The following SHCBP1 variants were observed in gnomAD, a reference collection of about 807,000 sequenced individuals.
SHCBP1 encodes the protein SHC SH2 domain-binding protein 1.
In SHCBP1, 60 loss-of-function variants were observed where a neutral mutation model predicts 75.1. That is an observed-to-expected ratio of 0.80 (90% CI 0.65 to 0.99). The LOEUF (loss-of-function observed/expected upper bound fraction) is 0.99. Among genes scored for constraint, SHCBP1 ranks in the 50% least tolerant of loss-of-function variants. The pLI, the probability that SHCBP1 is intolerant of heterozygous loss-of-function variation, is 0.00. For missense variants in SHCBP1, 709 were observed against 809.4 expected, an observed-to-expected ratio of 0.88 and a Z score of 1.50; for synonymous variants, 290 against 293.2, an observed-to-expected ratio of 0.99 and a Z score of 0.11.
chr16:46,588,062 A>C (rs1240649394), intron 10 of SHCBP1, among the ~76,000 whole-genome samples: 1 of 152,242 alleles, frequency 6.6e-6, no homozygotes, highest in Non-Finnish European at 1.5e-5. Context: ...CCTGCTCCTG[A>C]ATGACAACTG....
intron 5 of SHCBP1, among the ~76,000 whole-genome samples, chr16:46,606,116 A>C (rs1034291548): frequency 6.6e-6 from 1 of 151,866 alleles, no homozygotes; most frequent in African/African-American, 2.4e-5. Flanking sequence ...CCGTTAGCTT[A>C]TTTCTTTTCA....
chr16:46,616,154 T>G lies in SHCBP1; in HGVS notation c.388A>C (p.Ile130Leu), dbSNP rs770344569. 1 of 1,612,166 alleles carries G rather than the reference T, an allele frequency of 6.2e-7. No homozygotes were observed. Among genetic ancestry groups the G allele is most frequent in the Admixed American group, 1.7e-5 (1 of 59,940 alleles). ...AAGGCTGCAAAGTCCACATCTGTGA[T>G]CTGAAATTTAAAATAATGTGACTTA... ...HTNVFKVLVE[I>L]TDVDFAALKA... The change falls in exon 4 of 13, where the codon ATC becomes CTC. Residue 130 changes from isoleucine to leucine, a missense_variant and splice_region_variant. By Grantham distance (5) the Ile-to-Leu change is conservative. Coordinates refer to ENST00000303383, the MANE Select transcript of SHCBP1 (RefSeq NM_024745.5). This position sits in a 1 kb window ranked among gnomAD's most constrained non-coding sequence, Gnocchi z 4.4.
intron 4 of SHCBP1, among the ~76,000 whole-genome samples, chr16:46,613,743 C>T (rs763212158): frequency 2.0e-4 from 30 of 152,240 alleles, no homozygotes; most frequent in Non-Finnish European, 2.9e-4. Flanking sequence ...CATCAAGGCT[C>T]ATCTCCCACC....
chr16:46,595,406 C>T, intron 10 of SHCBP1, 146 bp downstream of exon 10: 1 of 722,700 alleles, frequency 1.4e-6, no homozygotes, highest in Admixed American at 2.2e-5. Context: ...CATGAGAAGA[C>T]CCTTGCACAG....
intron 10 of SHCBP1, among the ~76,000 whole-genome samples, chr16:46,586,161 T>C (rs745798508): frequency 2.0e-4 from 31 of 152,204 alleles, no homozygotes; most frequent in Non-Finnish European, 2.9e-5. Context: ...TCAGAGATGA[T>C]AGAATTAACT....
chr16:46,582,152 C>T (rs1964882429), intron 12 of SHCBP1, 98 bp from the exon 13 acceptor site: 2 of 1,268,012 alleles, frequency 1.6e-6, no homozygotes, highest in Non-Finnish European at 1.1e-6. Flanking sequence ...AGCTGCCTTG[C>T]TTTCTATACC....
chr16:46,610,108 G>A (rs1006102321), intron 4 of SHCBP1, among the ~76,000 whole-genome samples: 1 of 151,572 alleles, frequency 6.6e-6, no homozygotes, highest in South Asian at 2.1e-4. Context: ...CCGCCACCAC[G>A]CCCAGCTAAT....
In SHCBP1 at chr16:46,580,570, C is replaced by T. The variant is rs768241041; in HGVS notation, c.*1159G>A. ...AAGATTCAATTTTGTTATTTCATCA[C>T]TATAATTTTAATCATTAGGCATATT... On this transcript the variant is annotated 3_prime_UTR_variant, in exon 13 of 13. Coordinates refer to ENST00000303383, the MANE Select transcript of SHCBP1 (RefSeq NM_024745.5). 2.0e-5 allele frequency: 3 copies of T among 152,016 alleles called. No homozygotes were observed. Among genetic ancestry groups the T allele is most frequent in the Non-Finnish European group, 4.4e-5 (3 of 68,012 alleles). 9.4% of individuals were successfully genotyped at this position (152,016 alleles called of 1,614,324 possible). A position where few individuals can be genotyped will look rare whatever the true frequency, so the allele number is the denominator to read the frequency against.
In SHCBP1 at chr16:46,603,531, A is replaced by C; in HGVS notation, c.1213+8T>G. ...GTGAGAGTTTGGTTGTGTGTCTTCC[A>C]TACTCACCTTCCAACTCAATGGAGT... On this transcript the variant is annotated splice_region_variant and intron_variant, in intron 8 of 12. Transcript: ENST00000303383. 2 of 1,614,120 alleles carry C rather than the reference A, an allele frequency of 1.2e-6. No homozygotes were observed. The highest frequency in any genetic ancestry group is 1.7e-6 in the Non-Finnish European group (2 of 1,180,002).
chr16:46,618,488 G>C lies in SHCBP1; in HGVS notation c.104-116C>G. 4 of 1,133,770 alleles carry C rather than the reference G, an allele frequency of 3.5e-6. No homozygotes were observed. The South Asian group carries it at 8.2e-5, about 23-fold the overall frequency. The allele number at this position is 1,133,770 out of a possible 1,614,324, so 70.2% of individuals were successfully genotyped here. A position where few individuals can be genotyped will look rare whatever the true frequency, so the allele number is the denominator to read the frequency against. ...ACAAACAAGAATTTGAATATGAATA[G>C]TCTACTTACCTCTACCATTGTGAGA... On this transcript the variant is annotated intron_variant, in intron 1 of 12. Transcript: ENST00000303383.
chr16:46,583,950 G>A, intron 11 of SHCBP1, 53 bp downstream of exon 11: 2 of 1,436,586 alleles, frequency 1.4e-6, no homozygotes, highest in East Asian at 4.7e-5. Flanking sequence ...AGCATAATTT[G>A]TAGGTAAAAC....
Position 46,618,240 on chromosome 16 carries a change from T to C in SHCBP1, c.236A>G (p.Tyr79Cys), listed in dbSNP as rs945146766. 2 of 1,611,454 alleles carry C rather than the reference T, an allele frequency of 1.2e-6. No homozygotes were observed. Among genetic ancestry groups the C allele is most frequent in the Non-Finnish European group, 1.7e-6 (2 of 1,179,386 alleles). The change falls in exon 2 of 13, where the codon TAT becomes TGT. Residue 79 changes from tyrosine (Y) to cysteine (C), a missense_variant. Transcript: ENST00000303383. ...EIFQTNQLLF[Y>C]ERFRAYQDYI... ...ATCTTGATAGGCTCTGAATCGCTCA[T>C]AGAACAAAAGTTGATTTGTTTGGAA...
intron 1 of SHCBP1, among the ~76,000 whole-genome samples, chr16:46,620,045 T>A (rs1965561164): frequency 1.3e-5 from 2 of 151,852 alleles, no homozygotes; most frequent in Non-Finnish European, 2.9e-5. Context: ...TCAAAAAAAA[T>A]AAAATAAAAT....
At chr16:46,604,833 A>G (rs1029573260) in intron 5 of SHCBP1, among the ~76,000 whole-genome samples, 4 of 152,194 alleles carry the variant, frequency 2.6e-5, no homozygotes, top group Non-Finnish European at 5.9e-5. Flanking sequence ...GCAGGGGGCA[A>G]TTTGGGAGTA....
At chr16:46,588,579 G>T (rs1964989929) in intron 10 of SHCBP1, among the ~76,000 whole-genome samples, 1 of 152,112 alleles carries the variant, frequency 6.6e-6, no homozygotes, top group Non-Finnish European at 1.5e-5. Context: ...TAGAAGAAAT[G>T]GATAAATTCC....
chr16:46,604,312 A>G lies in SHCBP1; in HGVS notation c.839T>C (p.Ile280Thr). 6.2e-7 allele frequency: 1 copy of G among 1,614,192 alleles called. No individual in the cohort carries two copies. Among genetic ancestry groups the G allele is most frequent in the East Asian group, 2.2e-5 (1 of 44,876 alleles). Residue 280 changes from isoleucine (I) to threonine (T), a missense_variant, in exon 6 of 13, where the codon ATC (isoleucine) becomes ACC (threonine). By Grantham distance (89) the Ile-to-Thr change is moderately conservative (BLOSUM62 -1). Coordinates refer to ENST00000303383, the MANE Select transcript of SHCBP1 (RefSeq NM_024745.5). ...CAATTTTAACCCTTCCACCATGGAGATATTTTCCTGCTCGGAATCAGAGTT... is the reference window on the plus strand; with the variant it reads ...CAATTTTAACCCTTCCACCATGGAGGTATTTTCCTGCTCGGAATCAGAGTT... The part of the protein sequence containing the change: ...NCNSDSEQEN[I>T]SMVEGLKLYS...
chr16:46,609,795 T>A (rs1290232090), intron 4 of SHCBP1, among the ~76,000 whole-genome samples: 1 of 152,066 alleles, frequency 6.6e-6, no homozygotes, highest in African/African-American at 2.4e-5. Flanking sequence ...TTAACAAATT[T>A]ATTATGGAAA....
intron 10 of SHCBP1, among the ~76,000 whole-genome samples, chr16:46,585,496 A>G (rs1964942576): frequency 6.6e-6 from 1 of 152,148 alleles, no homozygotes; most frequent in African/African-American, 2.4e-5. Context: ...GAAGCCAGCA[A>G]TCCAGTACAC....
intron 10 of SHCBP1, among the ~76,000 whole-genome samples, chr16:46,593,745 CA>C (rs921632449): frequency 8.4e-4 from 112 of 132,596 alleles, no homozygotes; most frequent in Admixed American, 1.2e-3. Flanking sequence ...GTCCCTATCT[CA>C]AAAAAAAAAA....
Sources: gnomAD v4.1 joint callset for allele counts (sites outside exome capture counted in the v4.1 genomes callset) on GRCh38, gnomAD v4.1.1 for gene constraint, Gnocchi (gnomAD v3.1) non-coding constraint, MANE v1.5 for transcripts, NCBI Gene and HGNC (gene_info 2026-07-23, HGNC 2026-07-21) for gene names.